Variants in PLCD4 observed in about 807,000 individuals in gnomAD.
PLCD4 encodes 1-phosphatidylinositol 4,5-bisphosphate phosphodiesterase delta-4.
Under a neutral mutation model 90.2 loss-of-function variants are expected in PLCD4, and 63 were observed. The observed-to-expected ratio is 0.70, with a 90% confidence interval of 0.57 to 0.86. The LOEUF is 0.86. Among genes scored for constraint, PLCD4 ranks in the 40% least tolerant of loss-of-function variants. The pLI, the probability that PLCD4 is intolerant of heterozygous loss-of-function variation, is 0.00. For synonymous variants in PLCD4, 294 were observed against 356.5 expected, an observed-to-expected ratio of 0.82 and a Z score of 1.97; for missense variants, 830 against 956.3, an observed-to-expected ratio of 0.87 and a Z score of 1.74.
At chr2:218,616,960 A>T (rs1353465443) in intron 3 of PLCD4, among the ~76,000 whole-genome samples, 3 of 92,664 alleles carry the variant, frequency 3.2e-5, no homozygotes, top group African/African-American at 1.3e-4. Flanking sequence ...AGAGAGAGAG[A>T]GAGAGAGAGA....
In PLCD4 at chr2:218,618,746, C is replaced by T. The variant is rs146112514; in HGVS notation, c.349C>T (p.Arg117Ter). 424 of 1,610,564 alleles carry T rather than the reference C, an allele frequency of 2.6e-4. No homozygotes were observed. In the African/African-American group the frequency reaches 3.5e-3, roughly 13 times the overall value. ...TGTTGAGGAGGCCCAGATATGGATG[C>T]GAGGGCTCCAGCTGTTGGTGGATCT... ...NSVEEAQIWM[R>*]GLQLLVDLVT... Residue 117 changes from arginine (R) to a stop codon, truncating the protein, a stop_gained, in exon 4 of 16, where the codon CGA becomes TGA. Transcript: ENST00000450993. LOFTEE classifies it high-confidence loss of function.
chr2:218,629,685 C>CT (rs1696274996), intron 8 of PLCD4, 22 bp downstream of exon 8: 1 of 1,607,850 alleles, frequency 6.2e-7, no homozygotes, highest in African/African-American at 1.3e-5. Flanking sequence ...AGGATGGGGA[C>CT]ACTGGTGAGG....
chr2:218,616,929 GAGAGAGAGAGAGAGAGA>G (rs1695626655), intron 3 of PLCD4, among the ~76,000 whole-genome samples: 1 of 9,482 alleles, frequency 1.1e-4, no homozygotes, highest in Non-Finnish European at 2.1e-4. Context: ...TATATATATA[GAGAGAGAGAGAGAGAGA>G]GAGAGAGAGA....
rs200258640 is a variant in PLCD4 at position 218,629,538 on chromosome 2, C to T, written c.994C>T (p.Arg332Cys). Residue 332 changes from arginine (R) to cysteine (C), a missense_variant, in exon 8 of 16, where the codon CGC becomes TGC. Coordinates refer to ENST00000450993, the MANE Select transcript of PLCD4 (RefSeq NM_032726.4). The part of the protein sequence containing the change: ...GYIRALKRGC[R>C]CVEVDVWDGP... ...TTTCAGGGCCCTGAAGCGGGGGTGC[C>T]GCTGCGTGGAGGTGGATGTATGGGA... 2.3e-5 allele frequency: 37 copies of T among 1,613,280 alleles called. No individual in the cohort carries two copies. Among genetic ancestry groups the T allele is most frequent in the African/African-American group, 1.1e-4 (8 of 74,738 alleles).
At chr2:218,629,803 C>T (rs1369988165) in intron 8 of PLCD4, 140 bp downstream of exon 8, 13 of 872,826 alleles carry the variant, frequency 1.5e-5, no homozygotes, top group Non-Finnish European at 2.1e-5. Flanking sequence ...CAGGCAAATA[C>T]TAAAGGCTGA....
chr2:218,616,651 A>G (rs572368602), intron 3 of PLCD4, among the ~76,000 whole-genome samples: 2 of 151,414 alleles, frequency 1.3e-5, no homozygotes. Context: ...CAGGAAGTTG[A>G]GACTGCAGTG....
chr2:218,614,938 A>G (rs1034024589), intron 1 of PLCD4, among the ~76,000 whole-genome samples: 1 of 151,898 alleles, frequency 6.6e-6, no homozygotes, highest in African/African-American at 2.4e-5. Flanking sequence ...AAGAGAAAAA[A>G]GAAAGTCTGG....
rs1695357472 is a variant in PLCD4, at chr2:218,611,951, A to G, written c.-33-3756A>G. The stretch of plus-strand genomic sequence containing the variant: ...TTTCTTTTCTTTTCTTTTTTTTGAG[A>G]TGGAGTCTAGCTCTGTCGCCAGGTT... On this transcript the variant is annotated intron_variant, in intron 1 of 15. Coordinates refer to ENST00000450993, the MANE Select transcript of PLCD4 (RefSeq NM_032726.4). Among the ~76,000 whole-genome samples the G allele has an allele frequency of 2.0e-5, 3 of 147,544 alleles. No individual in the cohort carries two copies. The South Asian group carries it at 6.4e-4, about 31-fold the overall frequency.
At chr2:218,615,384 A>G (rs931366235) in intron 1 of PLCD4, among the ~76,000 whole-genome samples, 7 of 152,272 alleles carry the variant, frequency 4.6e-5, no homozygotes, top group African/African-American at 1.7e-4. Context: ...TGAAAGGGAC[A>G]TCCAGCAAGA....
rs761130470 is a variant in PLCD4 at position 218,629,665 on chromosome 2, T to A, written c.1119+2T>A. ...ACAGTAGCACAGTATGCCTTCCAGGTAGTAGCCCCAGGATGGGGACACTGG... is the reference window on the plus strand; with the variant it reads ...ACAGTAGCACAGTATGCCTTCCAGGAAGTAGCCCCAGGATGGGGACACTGG... On this transcript the variant is annotated splice_donor_variant, in intron 8 of 15. Transcript: ENST00000450993. LOFTEE classifies it high-confidence loss of function. 1 of 1,611,802 alleles carries A rather than the reference T, an allele frequency of 6.2e-7. No individual in the cohort carries two copies. Among genetic ancestry groups the A allele is most frequent in the South Asian group, 1.1e-5 (1 of 90,878 alleles).
Position 218,636,544 on chromosome 2 carries a change from C to T in PLCD4, c.2256C>T (p.Cys752=). 1.9e-6 allele frequency: 3 copies of T among 1,613,988 alleles called. No homozygotes were observed. Among genetic ancestry groups the T allele is most frequent in the Non-Finnish European group, 2.5e-6 (3 of 1,179,890 alleles). ...CAGCTTCCATCTTTGTGTATATCTG[C>T]ATCCAGGAAGGCCTGGAGGGGGATG... ...LRPASIFVYI[C]IQEGLEGDES Residue 752 remains cysteine (C), a synonymous_variant, in exon 16 of 16, where the codon TGC becomes TGT. Transcript: ENST00000450993.
At position 218,632,156 on chromosome 2, in the gene PLCD4, G is replaced by C; in HGVS notation, c.1293G>C (p.Leu431=). Residue 431 remains leucine, a synonymous_variant, in exon 10 of 16, where the codon CTG becomes CTC. Coordinates refer to ENST00000450993, the MANE Select transcript of PLCD4 (RefSeq NM_032726.4). ...PSPEELRRKI[L]VKGKKLTLEE... ...CCTAGGAGCTTCGGAGGAAGATCCT[G>C]GTGAAGGGGAAGAAGTTAACACTTG... 1 of 1,609,000 alleles carries C rather than the reference G, an allele frequency of 6.2e-7. No individual in the cohort carries two copies. Among genetic ancestry groups the C allele is most frequent in the Non-Finnish European group, 8.5e-7 (1 of 1,177,982 alleles).
Position 218,630,798 on chromosome 2 carries a change from CT to C in PLCD4, c.1269del (p.Glu424ArgfsTer9), listed in dbSNP as rs1417229249. 6.2e-7 allele frequency: 1 copy of C among 1,611,844 alleles called. No homozygotes were observed. The highest frequency in any genetic ancestry group is 8.5e-7 in the Non-Finnish European group (1 of 1,178,768). Reference protein sequence around the residue: ...DGVLPTQLPSPEELRRKILVK... With the variant: ...DGVLPTQLPSXEELRRKILVK... ...GTGCTGCCCACTCAGCTGCCCTCGC[CT>C]GAGGTAGGGACACTGTTCCTCCAGC... On this transcript the variant is annotated frameshift_variant, in exon 9 of 16. Coordinates refer to ENST00000450993, the MANE Select transcript of PLCD4 (RefSeq NM_032726.4). LOFTEE classifies it high-confidence loss of function.
intron 6 of PLCD4, among the ~76,000 whole-genome samples, chr2:218,626,630 ATTG>A (rs759223525): frequency 1.3e-4 from 20 of 152,214 alleles, no homozygotes; most frequent in African/African-American, 3.6e-4. Context: ...ACTGTTAGTC[ATTG>A]TTGTTGTTGT....
intron 1 of PLCD4, among the ~76,000 whole-genome samples, chr2:218,608,866 C>T (rs1432455216): frequency 1.3e-5 from 2 of 151,960 alleles, no homozygotes; most frequent in Non-Finnish European, 2.9e-5. Context: ...TGGCCGGGCG[C>T]GGTGGCTCAC....
At chr2:218,623,650 G>GCTCT (rs1695981838) in intron 6 of PLCD4, among the ~76,000 whole-genome samples, 1 of 152,024 alleles carries the variant, frequency 6.6e-6, no homozygotes, top group East Asian at 1.9e-4. Flanking sequence ...ATCCCATAAT[G>GCTCT]CTCTAATATC....
Position 218,624,753 on chromosome 2 carries a change from A to G in PLCD4, c.772+1875A>G, listed in dbSNP as rs185009328. On this transcript the variant is annotated intron_variant, in intron 6 of 15. Transcript: ENST00000450993. ...AAAAAAAGAAAAGAAAAGAAAAAAA[A>G]GAATGGAGGTTGTAAAGCAATCATT... 4.0e-5 allele frequency among the ~76,000 whole-genome samples: 6 copies of G among 151,642 alleles called. No individual in the cohort carries two copies. The East Asian group carries it at 1.2e-3, about 29-fold the overall frequency.
intron 1 of PLCD4, among the ~76,000 whole-genome samples, chr2:218,610,133 TA>T (rs1473614475): frequency 1.3e-5 from 2 of 151,544 alleles, no homozygotes; most frequent in Admixed American, 6.6e-5. Flanking sequence ...AATAATAATT[TA>T]AAAAAAATTT....
intron 4 of PLCD4, among the ~76,000 whole-genome samples, chr2:218,619,207 C>A (rs541923235): frequency 6.6e-6 from 1 of 151,910 alleles, no homozygotes; most frequent in African/African-American, 2.4e-5. Flanking sequence ...TTCATTTATT[C>A]ATTCATTCAT....
Sources: gnomAD v4.1 joint callset for allele counts (sites outside exome capture counted in the v4.1 genomes callset) on GRCh38, gnomAD v4.1.1 for gene constraint, MANE v1.5 for transcripts, NCBI Gene and HGNC (gene_info 2026-07-23, HGNC 2026-07-21) for gene names.